The following PRMT2 variants were observed in gnomAD, a reference collection of about 807,000 sequenced individuals.
PRMT2 encodes the protein protein arginine methyltransferase 2, also known as protein arginine N-methyltransferase 2.
In PRMT2, 26 loss-of-function variants were observed where a neutral mutation model predicts 57.6. The ratio of observed to expected loss-of-function variants is 0.45; its 90% CI spans 0.33 to 0.63. The LOEUF is 0.63. Among genes scored for constraint, PRMT2 ranks in the 20% least tolerant of loss-of-function variants. The probability of loss-of-function intolerance (pLI) is 0.02; values close to 1 mark genes in which losing one functional copy is unlikely to be tolerated. For missense variants in PRMT2, 472 were observed against 564.4 expected (o/e 0.84, Z 1.66); for synonymous variants, 219 against 220.0 (o/e 1.00, Z 0.04).
At chr21:46,640,771 C>T (rs2061258287) in intron 3 of PRMT2, among the ~76,000 whole-genome samples, 1 of 150,564 alleles carries the variant, frequency 6.6e-6, no homozygotes, top group Non-Finnish European at 1.5e-5. Context: ...TCTGCCTCAT[C>T]TTCTGTCTTC....
intron 4 of PRMT2, among the ~76,000 whole-genome samples, chr21:46,643,868 C>T (rs936117604): frequency 6.6e-6 from 1 of 152,164 alleles, no homozygotes; most frequent in African/African-American, 2.4e-5. Context: ...AGCACCTGTT[C>T]TGGTTTCTAC....
At position 46,652,312 on chromosome 21, in the gene PRMT2, CA is replaced by C. The variant is rs575473702; in HGVS notation, c.654+2579del. On this transcript the variant is annotated intron_variant, in intron 7 of 11. Transcript: ENST00000355680. Reference sequence around the variant, plus strand: ...TGAAGCTGTCAAATAAAATACTTGACAAAAAATTCCCCTTCATACATTAGCA... The same window carrying C: ...TGAAGCTGTCAAATAAAATACTTGACAAAAATTCCCCTTCATACATTAGCA... 293 of 1,242,632 alleles carry C rather than the reference CA, an allele frequency of 2.4e-4. 2 individuals are homozygous for C. The African/African-American group carries it at 3.8e-3, about 16-fold the overall frequency. The allele number at this position is 1,242,632 out of a possible 1,614,324, so 77.0% of individuals were successfully genotyped here. A position where few individuals can be genotyped will look rare whatever the true frequency, so the allele number is the denominator to read the frequency against.
At chr21:46,637,071 T>G in intron 3 of PRMT2, 81 bp downstream of exon 3, 1 of 1,471,540 alleles carries the variant, frequency 6.8e-7, no homozygotes, top group Non-Finnish European at 9.4e-7. Flanking sequence ...CTCACAGATG[T>G]GATGGAGCTT....
At position 46,664,301 on chromosome 21, in the gene PRMT2, G is replaced by A; in HGVS notation, c.1276G>A (p.Glu426Lys). 1 of 1,612,822 alleles carries A rather than the reference G, an allele frequency of 6.2e-7. No individual in the cohort carries two copies. Among genetic ancestry groups the A allele is most frequent in the Non-Finnish European group, 8.5e-7 (1 of 1,178,884 alleles). The part of the protein sequence containing the change: ...RQDPTSQKVG[E>K]KVFPIWR ...TGTCATTTATCTTTTTCAGGTTGGA[G>A]AAAAAGTCTTCCCCATCTGGAGATG... The change falls in exon 12 of 12, where the codon GAA becomes AAA. Residue 426 changes from glutamate (E) to lysine (K), a missense_variant. Physicochemically the swap from Glu to Lys is moderately conservative, Grantham distance 56 (BLOSUM62 1). Around this residue, in one of 2 missense-constraint regions of PRMT2, gnomAD observed 229 missense variants for 217.2 expected, o/e 1.05. Transcript: ENST00000355680.
At chr21:46,651,250 G>T (rs946104213) in intron 7 of PRMT2, among the ~76,000 whole-genome samples, 2 of 152,292 alleles carry the variant, frequency 1.3e-5, no homozygotes, top group South Asian at 4.1e-4. Flanking sequence ...CAGCAGGCAG[G>T]ATGTGCTGAT....
At chr21:46,663,045 C>T (rs375878852) in intron 10 of PRMT2, among the ~76,000 whole-genome samples, 96 of 152,296 alleles carry the variant, frequency 6.3e-4, no homozygotes, top group African/African-American at 2.3e-3. Context: ...GCTCCCGCAT[C>T]CTCTGGGCCA....
intron 7 of PRMT2, chr21:46,653,308 A>C: frequency 1.0e-6 from 1 of 985,464 alleles, no homozygotes; most frequent in South Asian, 4.7e-5. Flanking sequence ...TCATGAAAAC[A>C]GGCACGTGGC....
chr21:46,661,963 G>A, intron 10 of PRMT2, 27 bp downstream of exon 10: 3 of 1,173,914 alleles, frequency 2.6e-6, no homozygotes, highest in East Asian at 3.4e-5. Context: ...CGGGCACGGG[G>A]TGCGGGGTGG....
intron 7 of PRMT2, chr21:46,651,944 C>T (rs749870061): frequency 6.2e-7 from 1 of 1,613,324 alleles, no homozygotes; most frequent in Non-Finnish European, 8.5e-7. Context: ...CTGCTGTCTG[C>T]CTGTTCTCAG....
intron 3 of PRMT2, among the ~76,000 whole-genome samples, chr21:46,641,852 A>T (rs543942075): frequency 3.3e-5 from 5 of 151,574 alleles, no homozygotes; most frequent in African/African-American, 1.2e-4. Flanking sequence ...TGGATCGGGG[A>T]TGGGGTGGAG....
Position 46,636,906 on chromosome 21 carries a change from GAAAAT to G in PRMT2, c.-45_-41del. On this transcript the variant is annotated 5_prime_UTR_variant, in exon 3 of 12. It removes an upstream start codon present in the reference 5' UTR. Transcript: ENST00000355680. ...TCTTTTTAAAAGTAGAAATGGAAAAGAAAATGAAATAAATCAGCAGTTATGAGGCA... is the reference window on the plus strand; with the variant it reads ...TCTTTTTAAAAGTAGAAATGGAAAAGGAAATAAATCAGCAGTTATGAGGCA... The G allele has an allele frequency of 6.3e-7, 1 of 1,587,758 alleles. No individual in the cohort carries two copies. The highest frequency in any genetic ancestry group is 2.2e-5 in the East Asian group (1 of 44,456).
chr21:46,641,569 GTAGTC>G (rs1569150065), intron 3 of PRMT2, among the ~76,000 whole-genome samples: 1 of 152,134 alleles, frequency 6.6e-6, no homozygotes, highest in African/African-American at 2.4e-5. Flanking sequence ...ACACACGCCT[GTAGTC>G]CCAGCCTCTC....
intron 3 of PRMT2, among the ~76,000 whole-genome samples, chr21:46,638,039 A>G (rs1336737130): frequency 6.6e-6 from 1 of 152,184 alleles, no homozygotes. Flanking sequence ...TTCTCTCTCT[A>G]GAGGCAAACA....
chr21:46,651,157 TC>T (rs764020687), intron 7 of PRMT2, among the ~76,000 whole-genome samples: 57 of 152,252 alleles, frequency 3.7e-4, no homozygotes, highest in Non-Finnish European at 6.0e-4. Flanking sequence ...TGCACAGACT[TC>T]CAGGACTGAC....
Position 46,649,656 on chromosome 21 carries a change from G to C in PRMT2, c.571G>C (p.Val191Leu). 1 of 1,614,094 alleles carries C rather than the reference G, an allele frequency of 6.2e-7. No individual in the cohort carries two copies. Among genetic ancestry groups the C allele is most frequent in the Non-Finnish European group, 8.5e-7 (1 of 1,180,036 alleles). The change falls in exon 7 of 12, where the codon GTG (valine) becomes CTG (leucine). Residue 191 changes from valine (V) to leucine (L), a missense_variant. By Grantham distance (32) the Val-to-Leu change is conservative (BLOSUM62 1). Coordinates refer to ENST00000355680, the MANE Select transcript of PRMT2 (RefSeq NM_206962.4). The surrounding 1 kb of genome is among the most constrained non-coding windows in gnomAD (Gnocchi z 4.8). Reference sequence around the variant, plus strand: ...GAACGGCTTTGCTGACATCATCACCGTGTACCAGCAGAAGGTGGAGGATGT... The same window carrying C: ...GAACGGCTTTGCTGACATCATCACCCTGTACCAGCAGAAGGTGGAGGATGT... ...LQNGFADIIT[V>L]YQQKVEDVVL...
chr21:46,657,750 C>T (rs1173602933), intron 7 of PRMT2: 2 of 152,108 alleles, frequency 1.3e-5, no homozygotes, highest in African/African-American at 2.4e-5. Flanking sequence ...ACAAAATCCA[C>T]ACAAGCGCTC....
chr21:46,660,042 A>G (rs1386456775), intron 8 of PRMT2: 1 of 983,222 alleles, frequency 1.0e-6, no homozygotes, highest in Non-Finnish European at 1.2e-6. Context: ...TTTTCTTTAT[A>G]CTTGTCCATA....
chr21:46,646,576 G>T (rs905738550), intron 5 of PRMT2, among the ~76,000 whole-genome samples: 1 of 152,298 alleles, frequency 6.6e-6, no homozygotes, highest in East Asian at 1.9e-4. Context: ...GCTGCAGAGC[G>T]TTGTGTTACT....
At chr21:46,642,479 C>G (rs576463049) in intron 3 of PRMT2, among the ~76,000 whole-genome samples, 13 of 152,312 alleles carry the variant, frequency 8.5e-5, no homozygotes, top group Non-Finnish European at 1.6e-4. Flanking sequence ...TTTTAAAAGT[C>G]TGAAAGTATA....
Sources: allele counts gnomAD v4.1 joint callset (sites outside exome capture counted in the v4.1 genomes callset), GRCh38; gene constraint gnomAD v4.1.1; regional missense constraint gnomAD v4.1.1; non-coding constraint Gnocchi (gnomAD v3.1); transcripts MANE v1.5; gene names NCBI Gene and HGNC (gene_info 2026-07-23, HGNC 2026-07-21).